PDE11A: variants seen among roughly 807,000 people sequenced by gnomAD.
PDE11A encodes dual 3',5'-cyclic-AMP and -GMP phosphodiesterase 11A.
In PDE11A, 100 loss-of-function variants were observed where a neutral mutation model predicts 100.5. The observed-to-expected ratio is 1.00, with a 90% confidence interval of 0.85 to 1.18. The LOEUF is 1.18. Ranked by LOEUF, PDE11A falls within the 50% of genes most tolerant of loss-of-function variation. The pLI, the probability that PDE11A is intolerant of heterozygous loss-of-function variation, is 0.00. For synonymous variants in PDE11A, 381 were observed against 420.8 expected, an observed-to-expected ratio of 0.91 and a Z score of 1.16; for missense variants, 1,141 against 1,152.6, an observed-to-expected ratio of 0.99 and a Z score of 0.15.
intron 9 of PDE11A, among the ~76,000 whole-genome samples, chr2:177,787,944 C>T (rs1345463441): frequency 6.6e-6 from 1 of 152,206 alleles, no homozygotes; most frequent in East Asian, 1.9e-4. Flanking sequence ...TAATGGGAGA[C>T]TTTAACACCC....
intron 5 of PDE11A, among the ~76,000 whole-genome samples, chr2:177,852,055 A>C (rs1325498599): frequency 1.3e-5 from 2 of 152,128 alleles, no homozygotes; most frequent in Non-Finnish European, 2.9e-5. Flanking sequence ...TAGAGTCCAG[A>C]GTTCCCTATG....
chr2:178,049,166 T>C (rs2105855305), intron 1 of PDE11A, among the ~76,000 whole-genome samples: 1 of 152,342 alleles, frequency 6.6e-6, no homozygotes, highest in East Asian at 1.9e-4. Context: ...TATTTGAATA[T>C]GACTTTGAGC....
chr2:178,024,140 A>G (rs559248153), intron 1 of PDE11A, among the ~76,000 whole-genome samples: 2 of 152,240 alleles, frequency 1.3e-5, no homozygotes, highest in Non-Finnish European at 2.9e-5. Context: ...AGGCCTCATC[A>G]GGCATTCACG....
rs565042412 is a variant in PDE11A at position 177,711,297 on chromosome 2, C to T, written c.2153+472G>A. On this transcript the variant is annotated intron_variant, in intron 13 of 19. Transcript: ENST00000286063. ...AGGAGCAAAAACTATATTCCTTGAA[C>T]GTGGCTTTATTTTACTATAGTTTAT... Among the ~76,000 whole-genome samples the T allele has an allele frequency of 1.2e-4, 18 of 152,316 alleles. No individual in the cohort carries two copies. The South Asian group carries it at 2.1e-3, about 18-fold the overall frequency.
chr2:177,965,019 C>T (rs2085681344), intron 2 of PDE11A, among the ~76,000 whole-genome samples: 1 of 152,182 alleles, frequency 6.6e-6, no homozygotes, highest in African/African-American at 2.4e-5. Context: ...TTCTCTACAA[C>T]CTCACAAGCA....
At chr2:177,838,174 A>T (rs952964882) in intron 6 of PDE11A, among the ~76,000 whole-genome samples, 1 of 152,180 alleles carries the variant, frequency 6.6e-6, no homozygotes, top group East Asian at 1.9e-4. Context: ...AGGCAGGTAG[A>T]TCCCTCTCAA....
At chr2:177,901,497 A>G (rs1171955794) in intron 3 of PDE11A, among the ~76,000 whole-genome samples, 1 of 152,174 alleles carries the variant, frequency 6.6e-6, no homozygotes, top group Non-Finnish European at 1.5e-5. Context: ...AGCTTTGTCT[A>G]GGCAGCAGGC....
At position 178,098,168 on chromosome 2, in the gene PDE11A, T is replaced by C. The variant is rs2087518856; in HGVS notation, c.162+6134A>G. Reference sequence around the variant, plus strand: ...TATAAAATCCTGAGCAATTAAAATGTCTCCCAATCATTTTACAACCAAATT... The same window carrying C: ...TATAAAATCCTGAGCAATTAAAATGCCTCCCAATCATTTTACAACCAAATT... On this transcript the variant is annotated intron_variant, in intron 2 of 20. Coordinates refer to the PDE11A transcript ENST00000358450. 4.6e-5 allele frequency among the ~76,000 whole-genome samples: 7 copies of C among 152,212 alleles called. No homozygotes were observed. The South Asian group carries it at 1.4e-3, about 32-fold the overall frequency.
At chr2:178,034,350 T>C (rs2086584132) in intron 1 of PDE11A, among the ~76,000 whole-genome samples, 1 of 152,134 alleles carries the variant, frequency 6.6e-6, no homozygotes, top group African/African-American at 2.4e-5. Context: ...ATGTACCCAA[T>C]ACAGGAGCAC....
intron 3 of PDE11A, among the ~76,000 whole-genome samples, chr2:177,901,985 G>A (rs1014607716): frequency 1.3e-5 from 2 of 152,168 alleles, no homozygotes; most frequent in African/African-American, 4.8e-5. Context: ...TTATTAATGA[G>A]TGATGGAAGT....
At chr2:178,056,516 AG>A (rs2086901361) in intron 1 of PDE11A, among the ~76,000 whole-genome samples, 1 of 152,224 alleles carries the variant, frequency 6.6e-6, no homozygotes, top group Non-Finnish European at 1.5e-5. Flanking sequence ...TGTTCTACTT[AG>A]AATGGAAGGG....
intron 14 of PDE11A, among the ~76,000 whole-genome samples, chr2:177,700,231 T>A (rs772333674): frequency 6.6e-6 from 1 of 152,212 alleles, no homozygotes; most frequent in East Asian, 1.9e-4. Context: ...AAGGCCTCCA[T>A]GATATTGCAA....
chr2:177,859,836 G>A (rs1365860497), intron 5 of PDE11A, among the ~76,000 whole-genome samples: 1 of 151,664 alleles, frequency 6.6e-6, no homozygotes, highest in Non-Finnish European at 1.5e-5. Flanking sequence ...CACAAATATT[G>A]GTTAGTAAAA....
chr2:177,875,976 T>TA (rs2084234434), intron 4 of PDE11A, 53 bp from the exon 5 acceptor site: 2 of 967,714 alleles, frequency 2.1e-6, no homozygotes, highest in Non-Finnish European at 3.4e-6. Context: ...TATTGCCGTT[T>TA]AAAATAATGT....
intron 9 of PDE11A, among the ~76,000 whole-genome samples, chr2:177,815,746 T>C (rs1322401179): frequency 1.3e-5 from 2 of 152,242 alleles, no homozygotes; most frequent in Admixed American, 1.3e-4. Context: ...ATCAGAGCAG[T>C]GCAGGTAACA....
intron 1 of PDE11A, among the ~76,000 whole-genome samples, chr2:178,028,956 C>T (rs111726901): frequency 1.6e-3 from 244 of 152,250 alleles, no homozygotes; most frequent in Non-Finnish European, 2.8e-3. Context: ...TGCAACAAGC[C>T]CTAGGCTACC....
At chr2:178,025,916 G>C (rs1310454875) in intron 1 of PDE11A, among the ~76,000 whole-genome samples, 1 of 152,158 alleles carries the variant, frequency 6.6e-6, no homozygotes, top group Non-Finnish European at 1.5e-5. Context: ...GGAAGGCCAG[G>C]CAGTCTGCAA....
intron 5 of PDE11A, among the ~76,000 whole-genome samples, chr2:177,848,227 T>C (rs2105641563): frequency 6.6e-6 from 1 of 152,260 alleles, no homozygotes; most frequent in South Asian, 2.1e-4. Flanking sequence ...TTTTGATCCC[T>C]ACAGTGGGGA....
Position 178,104,401 on chromosome 2 carries a change from CT to C in PDE11A, c.62del (p.Lys21ArgfsTer2). 1 of 1,613,904 alleles carries C rather than the reference CT, an allele frequency of 6.2e-7. No homozygotes were observed. Among genetic ancestry groups the C allele is most frequent in the African/African-American group, 1.3e-5 (1 of 75,026 alleles). On this transcript the variant is annotated frameshift_variant, in exon 2 of 21. Coordinates refer to the PDE11A transcript ENST00000358450. LOFTEE classifies it high-confidence loss of function. ...TTTGGACCAGTCTTGTGATTTTCAC[CT>C]TTTTCCACTGTGTGGCACTGAGCAC...
Sources: allele counts gnomAD v4.1 joint callset (sites outside exome capture counted in the v4.1 genomes callset), GRCh38; gene constraint gnomAD v4.1.1; transcripts MANE v1.5; gene names NCBI Gene and HGNC (gene_info 2026-07-23, HGNC 2026-07-21).